Variants in PLA2G4A observed in about 807,000 individuals in gnomAD.
PLA2G4A encodes phospholipase A2 group IVA.
Under a neutral mutation model 81.9 loss-of-function variants are expected in PLA2G4A, and 40 were observed. The ratio of observed to expected loss-of-function variants is 0.49; its 90% confidence interval spans 0.38 to 0.64. The LOEUF is 0.64. Ranked by LOEUF, PLA2G4A falls within the 30% of genes least tolerant of loss-of-function variation. The pLI is 0.00. For synonymous variants in PLA2G4A, 302 were observed against 296.9 expected (o/e 1.02, Z -0.18); for missense variants, 715 against 905.1 (o/e 0.79, Z 2.69).
chr1:186,842,172 A>G (rs1652008106), intron 1 of PLA2G4A, among the ~76,000 whole-genome samples: 1 of 151,360 alleles, frequency 6.6e-6, no homozygotes, highest in Non-Finnish European at 1.5e-5. Context: ...CCTCCTGAAT[A>G]GCTGAGGTTA....
At chr1:186,986,001 A>G (rs1045551119) in intron 17 of PLA2G4A, among the ~76,000 whole-genome samples, 1 of 152,180 alleles carries the variant, frequency 6.6e-6, no homozygotes, top group East Asian at 1.9e-4. Flanking sequence ...GATTTTTTCT[A>G]TCACAGAACT....
chr1:186,894,925 C>T (rs12720537), intron 5 of PLA2G4A, among the ~76,000 whole-genome samples: 2,128 of 152,192 alleles, frequency 0.014, 55 homozygotes, highest in African/African-American at 0.047. Flanking sequence ...ATGTGTAAGG[C>T]TGGTTACCAT....
At chr1:186,881,230 T>C (rs1653720144) in intron 3 of PLA2G4A, among the ~76,000 whole-genome samples, 1 of 151,988 alleles carries the variant, frequency 6.6e-6, no homozygotes, top group South Asian at 2.1e-4. Context: ...ATTCAGCCTA[T>C]GAGAAAAAAG....
At chr1:186,889,989 C>A in intron 3 of PLA2G4A, among the ~76,000 whole-genome samples, 1 of 152,162 alleles carries the variant, frequency 6.6e-6, no homozygotes, top group East Asian at 1.9e-4. Context: ...TGATATTGGA[C>A]AGAATGCTTA....
At chr1:186,875,489 A>T (rs1653432849) in intron 3 of PLA2G4A, among the ~76,000 whole-genome samples, 1 of 152,100 alleles carries the variant, frequency 6.6e-6, no homozygotes, top group Non-Finnish European at 1.5e-5. Flanking sequence ...AAACAAGAAC[A>T]TATTTTTTAT....
chr1:186,965,829 G>A (rs1308791190), intron 15 of PLA2G4A, among the ~76,000 whole-genome samples: 2 of 152,174 alleles, frequency 1.3e-5, no homozygotes, highest in Non-Finnish European at 2.9e-5. Flanking sequence ...GAATAATACA[G>A]TGGGTCTGAA....
intron 2 of PLA2G4A, among the ~76,000 whole-genome samples, chr1:186,856,897 C>A (rs1046441716): frequency 6.7e-6 from 1 of 149,338 alleles, no homozygotes. Flanking sequence ...AGTCTGAAGG[C>A]GGGATATAAT....
rs187477453 is a variant in PLA2G4A at position 186,952,406 on chromosome 1, G to A, written c.1336+1678G>A. Among the ~76,000 whole-genome samples, 287 of 152,230 alleles carry A rather than the reference G, an allele frequency of 1.9e-3. 4 individuals carry two copies. Among genetic ancestry groups the A allele is most frequent in the African/African-American group, 6.4e-3 (268 of 41,552 alleles). ...ATTTATTTTTTCTCTTTTACATAGA[G>A]TTTTTAGAGCAGTTTTAGGCTCAAA... On this transcript the variant is annotated intron_variant, in intron 13 of 17. Transcript: ENST00000367466.
rs539422549 is a variant in PLA2G4A, at chr1:186,835,726, GT to G, written c.-70+6693del. On this transcript the variant is annotated intron_variant, in intron 1 of 17. Transcript: ENST00000367466. ...CTTTCAATGATCAATGGTAATACATGTTCAGATAATAACTTTAAAATACTGT... is the reference window on the plus strand; with the variant it reads ...CTTTCAATGATCAATGGTAATACATGTCAGATAATAACTTTAAAATACTGT... 1.7e-3 allele frequency among the ~76,000 whole-genome samples: 261 copies of G among 152,294 alleles called. 3 individuals are homozygous for G. The highest frequency in any genetic ancestry group is 2.9e-3 in the Non-Finnish European group (199 of 68,008).
Position 186,961,247 on chromosome 1 carries a change from G to A in PLA2G4A, c.1580-4162G>A, listed in dbSNP as rs144373338. Reference sequence around the variant, plus strand: ...CAAAGGGTAGAAAGTTTCAGTGAGAGAGGAGGAATAAGTGCTGGGTATCTA... The same window carrying A: ...CAAAGGGTAGAAAGTTTCAGTGAGAAAGGAGGAATAAGTGCTGGGTATCTA... On this transcript the variant is annotated intron_variant, in intron 14 of 17. Transcript: ENST00000367466. Among the ~76,000 whole-genome samples the A allele has an allele frequency of 3.9e-3, 590 of 152,276 alleles. 4 individuals are homozygous for A. Among genetic ancestry groups the A allele is most frequent in the African/African-American group, 0.012 (516 of 41,556 alleles).
At chr1:186,839,891 C>T (rs1435606980) in intron 1 of PLA2G4A, among the ~76,000 whole-genome samples, 1 of 151,534 alleles carries the variant, frequency 6.6e-6, no homozygotes, top group East Asian at 1.9e-4. Flanking sequence ...CTGCAACACT[C>T]CAACGCACAC....
At chr1:186,906,856 T>A in intron 5 of PLA2G4A, 109 bp from the exon 6 acceptor site, 1 of 660,506 alleles carries the variant, frequency 1.5e-6, no homozygotes, top group Non-Finnish European at 2.7e-6. Flanking sequence ...AGGGTTTTGT[T>A]TTTTTGATTA....
chr1:186,840,452 A>G (rs961156700), intron 1 of PLA2G4A, among the ~76,000 whole-genome samples: 1 of 152,196 alleles, frequency 6.6e-6, no homozygotes, highest in Non-Finnish European at 1.5e-5. Flanking sequence ...CATGTTACCC[A>G]GTTCAGGAAC....
At chr1:186,955,495 A>G (rs1173659120) in intron 13 of PLA2G4A, among the ~76,000 whole-genome samples, 1 of 152,144 alleles carries the variant, frequency 6.6e-6, no homozygotes, top group Non-Finnish European at 1.5e-5. Flanking sequence ...AAAGGAAGAA[A>G]TCAATTCAGG....
At chr1:186,837,803 A>G (rs1308167021) in intron 1 of PLA2G4A, among the ~76,000 whole-genome samples, 2 of 152,026 alleles carry the variant, frequency 1.3e-5, no homozygotes, top group Middle Eastern at 3.4e-3. Context: ...TTGATGATTC[A>G]GGAAAGAGAG....
chr1:186,842,451 T>C (rs1652021687), intron 1 of PLA2G4A, among the ~76,000 whole-genome samples: 1 of 152,212 alleles, frequency 6.6e-6, no homozygotes, highest in Non-Finnish European at 1.5e-5. Flanking sequence ...GTTTAACTGC[T>C]GTGTTTATGT....
chr1:186,988,313 A>G, intron 17 of PLA2G4A, 64 bp from the exon 18 acceptor site: 1 of 1,254,832 alleles, frequency 8.0e-7, no homozygotes, highest in South Asian at 1.4e-5. Context: ...TTTTTATTTT[A>G]ATAAAAAATA....
intron 13 of PLA2G4A, 147 bp downstream of exon 13, chr1:186,950,875 T>C: frequency 1.5e-6 from 1 of 664,264 alleles, no homozygotes; most frequent in South Asian, 1.6e-5. Flanking sequence ...AGAGAGAGGA[T>C]TGCATGTTGC....
At chr1:186,960,581 G>A (rs4276871) in intron 14 of PLA2G4A, among the ~76,000 whole-genome samples, 116,349 of 151,906 alleles carry the variant, frequency 0.77, 46,264 homozygotes, top group South Asian at 0.89. Context: ...TTTACAATTC[G>A]ATCTCCTTCT....
Sources: gnomAD v4.1 joint callset for allele counts (sites outside exome capture counted in the v4.1 genomes callset) on GRCh38, gnomAD v4.1.1 for gene constraint, MANE v1.5 for transcripts, NCBI Gene and HGNC (gene_info 2026-07-23, HGNC 2026-07-21) for gene names.